ANKFN1: variants seen among roughly 807,000 people sequenced by gnomAD.
ANKFN1 encodes the protein ankyrin repeat and fibronectin type-III domain-containing protein 1.
Under a neutral mutation model 108.7 loss-of-function variants are expected in ANKFN1, and 74 were observed. The observed-to-expected ratio is 0.68, with a 90% CI of 0.56 to 0.83. The LOEUF is 0.83. ANKFN1 is among the 40% of genes least tolerant of loss of function. The pLI is 0.00. For synonymous variants in ANKFN1, 547 were observed against 516.2 expected, an observed-to-expected ratio of 1.06 and a Z score of -0.81; for missense variants, 1,505 against 1,382.3, an observed-to-expected ratio of 1.09 and a Z score of -1.41.
chr17:56,221,120 G>C (rs1283694596), intron 2 of ANKFN1, among the ~76,000 whole-genome samples: 1 of 152,082 alleles, frequency 6.6e-6, no homozygotes. Flanking sequence ...CAGAGCAAGA[G>C]CAAGAGAGAG....
At chr17:56,174,122 G>C in intron 1 of ANKFN1, 1 of 936,442 alleles carries the variant, frequency 1.1e-6, no homozygotes, top group Non-Finnish European at 1.3e-6. Context: ...TGACATTGTG[G>C]GTGGTGCAGT....
chr17:56,069,199 G>A (rs955374060), intron 4 of ANKFN1, among the ~76,000 whole-genome samples: 1 of 152,176 alleles, frequency 6.6e-6, no homozygotes, highest in Non-Finnish European at 1.5e-5. Flanking sequence ...GGGAGCAGAA[G>A]TTTCATATAT....
intron 4 of ANKFN1, among the ~76,000 whole-genome samples, chr17:56,049,907 A>T (rs1904744961): frequency 6.6e-6 from 1 of 152,058 alleles, no homozygotes; most frequent in Non-Finnish European, 1.5e-5. Flanking sequence ...GTATATACCC[A>T]GTAATGGGAT....
intron 1 of ANKFN1, among the ~76,000 whole-genome samples, chr17:56,176,479 T>C (rs1328133737): frequency 6.6e-6 from 1 of 152,206 alleles, no homozygotes; most frequent in Non-Finnish European, 1.5e-5. Flanking sequence ...TTGTTATAGG[T>C]TGGAACCCAT....
intron 3 of ANKFN1, among the ~76,000 whole-genome samples, chr17:56,285,460 C>T (rs1480939934): frequency 6.6e-6 from 1 of 152,158 alleles, no homozygotes; most frequent in African/African-American, 2.4e-5. Flanking sequence ...TGCCTTTTTC[C>T]TCCTTATTCC....
chr17:56,400,723 TTAG>T (rs1385456657), intron 8 of ANKFN1, among the ~76,000 whole-genome samples: 2 of 152,238 alleles, frequency 1.3e-5, no homozygotes, highest in Non-Finnish European at 2.9e-5. Flanking sequence ...GTTTTAGGTC[TTAG>T]GTTTAAGTCC....
Position 56,351,082 on chromosome 17 carries a change from A to G in ANKFN1, c.390+115A>G, listed in dbSNP as rs949154246. ...CAGAAGTTGATGCTTGCAATTTTAT[A>G]AATGCTGGAATAGATTCAGGTAGGG... On this transcript the variant is annotated intron_variant, in intron 5 of 20. Coordinates refer to ENST00000682825, the MANE Select transcript of ANKFN1 (RefSeq NM_001370326.1). The G allele has an allele frequency of 1.4e-5, 14 of 1,011,294 alleles. No individual in the cohort carries two copies. In the African/African-American group the frequency reaches 2.3e-4, roughly 16 times the overall value. 62.6% of individuals were successfully genotyped at this position (1,011,294 alleles called of 1,614,324 possible).
chr17:56,191,752 T>C (rs1407498702), intron 1 of ANKFN1, among the ~76,000 whole-genome samples: 4 of 147,848 alleles, frequency 2.7e-5, no homozygotes, highest in Middle Eastern at 3.4e-3. Flanking sequence ...TGAATCTGAA[T>C]GTTGGCCTGC....
intron 14 of ANKFN1, among the ~76,000 whole-genome samples, chr17:56,458,874 C>CA (rs200548312): frequency 0.017 from 2,616 of 151,632 alleles, 61 homozygotes; most frequent in African/African-American, 0.059. Context: ...GTCACAATAA[C>CA]AAAAAAAAAT....
intron 4 of ANKFN1, among the ~76,000 whole-genome samples, chr17:56,077,800 G>A (rs918936652): frequency 4.6e-5 from 7 of 152,100 alleles, no homozygotes; most frequent in African/African-American, 1.7e-4. Context: ...GCCTCTTGGT[G>A]GGAGTTTCCT....
At chr17:56,211,942 A>G (rs990265683) in intron 1 of ANKFN1, among the ~76,000 whole-genome samples, 8 of 152,156 alleles carry the variant, frequency 5.3e-5, no homozygotes, top group African/African-American at 1.9e-4. Flanking sequence ...ATATGTGTAC[A>G]TTAATTTTGT....
upstream of ANKFN1, among the ~76,000 whole-genome samples, chr17:56,151,460 GTCTTTTTA>G (rs1177943444): frequency 6.6e-6 from 1 of 152,170 alleles, no homozygotes; most frequent in Non-Finnish European, 1.5e-5. Flanking sequence ...ATTTAGATTA[GTCTTTTTA>G]TAAAATAAGC....
intron 4 of ANKFN1, among the ~76,000 whole-genome samples, chr17:56,130,153 T>C (rs1907190519): frequency 6.6e-6 from 1 of 152,250 alleles, no homozygotes; most frequent in African/African-American, 2.4e-5. Flanking sequence ...AGGATGGTTG[T>C]TAAACCTCTC....
At chr17:56,076,910 C>A (rs1197780865) in intron 4 of ANKFN1, among the ~76,000 whole-genome samples, 1 of 152,100 alleles carries the variant, frequency 6.6e-6, no homozygotes, top group Admixed American at 6.6e-5. Flanking sequence ...TTGCATCAGT[C>A]TTATGATAGA....
At chr17:56,496,172 T>C (rs2051196232) in intron 19 of ANKFN1, among the ~76,000 whole-genome samples, 1 of 152,108 alleles carries the variant, frequency 6.6e-6, no homozygotes, top group Non-Finnish European at 1.5e-5. Flanking sequence ...CCTATACCCA[T>C]ATGGTTTTTA....
intron 1 of ANKFN1, among the ~76,000 whole-genome samples, chr17:56,159,227 T>C (rs868312581): frequency 6.6e-6 from 1 of 152,206 alleles, no homozygotes; most frequent in East Asian, 1.9e-4. Context: ...TGATATTCCA[T>C]GTGAAGTGCG....
chr17:56,456,560 G>A (rs1484665441), intron 11 of ANKFN1, among the ~76,000 whole-genome samples: 1 of 151,800 alleles, frequency 6.6e-6, no homozygotes, highest in African/African-American at 2.4e-5. Flanking sequence ...ACCACACCCT[G>A]CTAATTTTTG....
intron 4 of ANKFN1, among the ~76,000 whole-genome samples, chr17:56,069,305 A>T (rs1323960173): frequency 6.6e-6 from 1 of 152,208 alleles, no homozygotes; most frequent in African/African-American, 2.4e-5. Flanking sequence ...TTGTATCTAA[A>T]GTGATGGGGA....
At chr17:56,283,924 C>G (rs1002360266) in intron 3 of ANKFN1, among the ~76,000 whole-genome samples, 1 of 151,964 alleles carries the variant, frequency 6.6e-6, no homozygotes, top group Admixed American at 6.6e-5. Flanking sequence ...CTTTTTTAAC[C>G]ACCACAACCC....
Sources: gnomAD v4.1 joint callset for allele counts (sites outside exome capture counted in the v4.1 genomes callset) on GRCh38, gnomAD v4.1.1 for gene constraint, MANE v1.5 for transcripts, NCBI Gene and HGNC (gene_info 2026-07-23, HGNC 2026-07-21) for gene names.